Variants in SIRPB2 observed in about 807,000 individuals in gnomAD.
The protein encoded by SIRPB2 is signal regulatory protein beta 2, also known as signal-regulatory protein beta-2.
Under a neutral mutation model 27.1 loss-of-function variants are expected in SIRPB2, and 18 were observed. The observed-to-expected ratio is 0.66, with a 90% CI of 0.46 to 0.98. The LOEUF (loss-of-function observed/expected upper bound fraction) is 0.98, where lower values mean the gene tolerates loss of function less well. Ranked by LOEUF, SIRPB2 falls within the 50% of genes least tolerant of loss-of-function variation. SIRPB2 has a pLI of 0.00. For missense variants in SIRPB2, 420 were observed against 417.4 expected (o/e 1.01, Z -0.06); for synonymous variants, 150 against 164.6 (o/e 0.91, Z 0.68).
At chr20:1,477,506 A>G in intron 3 of SIRPB2, 103 bp from the exon 4 acceptor site, 2 of 1,521,416 alleles carry the variant, frequency 1.3e-6, no homozygotes, top group Non-Finnish European at 8.8e-7. Flanking sequence ...GCCAGTTTCT[A>G]TGTGGGTATG....
At chr20:1,481,166 T>C (rs1203373082) in intron 1 of SIRPB2, among the ~76,000 whole-genome samples, 1 of 152,078 alleles carries the variant, frequency 6.6e-6, no homozygotes, top group Admixed American at 6.6e-5. Flanking sequence ...AACTTCCCCA[T>C]TTATTATTTA....
chr20:1,476,480 A>G (rs2090607497), intron 4 of SIRPB2, 144 bp from the exon 5 acceptor site: 1 of 955,816 alleles, frequency 1.0e-6, no homozygotes, highest in Non-Finnish European at 1.5e-6. Context: ...AGAGGAGATC[A>G]AAGACCACCC....
chr20:1,474,251 A>G (rs1408316414), downstream of SIRPB2, among the ~76,000 whole-genome samples: 1 of 152,156 alleles, frequency 6.6e-6, no homozygotes, highest in Non-Finnish European at 1.5e-5. Flanking sequence ...TTTGCCATAC[A>G]AGGTAACAGT....
At chr20:1,487,006 A>G (rs1018803386) in intron 1 of SIRPB2, among the ~76,000 whole-genome samples, 2 of 152,230 alleles carry the variant, frequency 1.3e-5, no homozygotes, top group African/African-American at 4.8e-5. Context: ...GAAATAAAAG[A>G]CATCCAGATT....
intron 1 of SIRPB2, among the ~76,000 whole-genome samples, chr20:1,483,087 C>T (rs936513945): frequency 3.3e-5 from 5 of 151,502 alleles, no homozygotes; most frequent in South Asian, 2.1e-4. Flanking sequence ...ATAAGAGTTC[C>T]CTTTTCTCCT....
chr20:1,486,421 A>G (rs1359313377), intron 1 of SIRPB2, among the ~76,000 whole-genome samples: 2 of 152,144 alleles, frequency 1.3e-5, no homozygotes, highest in Non-Finnish European at 2.9e-5. Context: ...TTATACAAAT[A>G]CTTTTAGAAA....
chr20:1,482,024 G>C (rs1181363261), intron 1 of SIRPB2, among the ~76,000 whole-genome samples: 2 of 152,050 alleles, frequency 1.3e-5, no homozygotes, highest in Non-Finnish European at 2.9e-5. Flanking sequence ...AGAAAGAAGT[G>C]TTCTGGTCCA....
At position 1,478,460 on chromosome 20, in the gene SIRPB2, C is replaced by T. The variant is rs748671906; in HGVS notation, c.599G>A (p.Ser200Asn). The part of the protein sequence containing the change: ...PIRWFQGAGL[S>N]REAIYNFGGI... ...TCCAAAGTTGTAAATGGCCTCCCGG[C>T]TCAGACCAGCTCCCTGGAACCACCT... Residue 200 changes from serine (S) to asparagine (N), a missense_variant, in exon 3 of 5, where the codon AGC becomes AAC. Transcript: ENST00000359801. 3 of 1,614,196 alleles carry T rather than the reference C, an allele frequency of 1.9e-6. No individual in the cohort carries two copies. The highest frequency in any genetic ancestry group is 2.5e-6 in the Non-Finnish European group (3 of 1,180,034).
chr20:1,477,180 TG>T, intron 4 of SIRPB2, 157 bp downstream of exon 4: 1 of 1,599,012 alleles, frequency 6.3e-7, no homozygotes, highest in Non-Finnish European at 8.5e-7. Flanking sequence ...CATGGTTCTC[TG>T]GGGTCCTAGT....
In SIRPB2 at chr20:1,488,562, C is replaced by T. The variant is rs898587305; in HGVS notation, c.85+2713G>A. Among the ~76,000 whole-genome samples the T allele has an allele frequency of 5.9e-5, 9 of 152,068 alleles. No individual in the cohort carries two copies. In the East Asian group the frequency reaches 1.5e-3, roughly 26 times the overall value. On this transcript the variant is annotated intron_variant, in intron 1 of 4. Transcript: ENST00000359801. ...ATTTGGTAGGCTAAGGTGGGAGGAT[C>T]GCTTGAGCCAGGGAGATGGAGGTTG...
At chr20:1,477,697 C>T (rs936933750) in intron 3 of SIRPB2, among the ~76,000 whole-genome samples, 22 of 152,276 alleles carry the variant, frequency 1.4e-4, no homozygotes, top group Admixed American at 7.8e-4. Flanking sequence ...TTTTTTGAGA[C>T]GGAGTTTTGC....
At chr20:1,485,894 G>A (rs1260908156) in intron 1 of SIRPB2, among the ~76,000 whole-genome samples, 3 of 151,880 alleles carry the variant, frequency 2.0e-5, no homozygotes, top group East Asian at 1.9e-4. Context: ...TAGGTAACAT[G>A]AACAAATTCC....
intron 1 of SIRPB2, among the ~76,000 whole-genome samples, chr20:1,490,842 T>C (rs965151029): frequency 3.3e-5 from 5 of 152,300 alleles, no homozygotes; most frequent in Admixed American, 2.6e-4. Flanking sequence ...TGTTGCTCAA[T>C]ACTTTTTGAA....
intron 4 of SIRPB2, chr20:1,476,752 G>A (rs145689327): frequency 8.6e-6 from 9 of 1,050,776 alleles, no homozygotes; most frequent in East Asian, 9.3e-5. Flanking sequence ...GAGCAGGGCC[G>A]AGCATCAGGA....
downstream of SIRPB2, among the ~76,000 whole-genome samples, chr20:1,474,440 A>G (rs1423702309): frequency 6.6e-6 from 1 of 152,246 alleles, no homozygotes; most frequent in Non-Finnish European, 1.5e-5. Flanking sequence ...AAAAACATCT[A>G]GACTCATCTA....
In SIRPB2 at chr20:1,491,298, A is replaced by G. The variant is rs1385143341; in HGVS notation, c.62T>C (p.Leu21Pro). The stretch of plus-strand genomic sequence containing the variant: ...ACCTGAGGGGACAAGGACCAGTGCC[A>G]GCAGCAGGAAGCAGGGAGGCAAGTG... ...LAHLPPCFLL[L>P]ALVLVPSDAS... Residue 21 changes from leucine (L) to proline (P), a missense_variant, in exon 1 of 5, where the codon CTG becomes CCG. Physicochemically the swap from Leu to Pro is moderately conservative, Grantham distance 98. Transcript: ENST00000359801. 3.1e-6 allele frequency: 5 copies of G among 1,611,802 alleles called. No homozygotes were observed. Among genetic ancestry groups the G allele is most frequent in the Non-Finnish European group, 3.4e-6 (4 of 1,179,282 alleles).
intron 2 of SIRPB2, 67 bp from the exon 3 acceptor site, chr20:1,478,674 T>C (rs1396944398): frequency 1.6e-5 from 21 of 1,319,148 alleles, no homozygotes; most frequent in Non-Finnish European, 2.0e-5. Context: ...ATTTCCTACC[T>C]GGTGTTTTCC....
At chr20:1,472,748 C>A (rs1311918553), downstream of SIRPB2, 3 of 152,156 alleles carry the variant, frequency 2.0e-5, no homozygotes, top group African/African-American at 7.2e-5. Flanking sequence ...GAATTTGAAC[C>A]TGCACAGCCA....
Position 1,476,102 on chromosome 20 carries a change from G to A in SIRPB2, c.*65C>T. On this transcript the variant is annotated 3_prime_UTR_variant, in exon 5 of 5. Coordinates refer to ENST00000359801, the MANE Select transcript of SIRPB2 (RefSeq NM_001122962.2). ...CACCTAGAGGCTGGGACTGGAGGTA[G>A]GGAAATGGTTGAGGAGCCCTGGCTC... is the stretch of plus-strand genomic sequence containing the variant. 1 of 1,572,536 alleles carries A rather than the reference G, an allele frequency of 6.4e-7. No homozygotes were observed. Among genetic ancestry groups the A allele is most frequent in the South Asian group, 1.2e-5 (1 of 86,042 alleles).
Sources: allele counts gnomAD v4.1 joint callset (sites outside exome capture counted in the v4.1 genomes callset), GRCh38; gene constraint gnomAD v4.1.1; transcripts MANE v1.5; gene names NCBI Gene and HGNC (gene_info 2026-07-23, HGNC 2026-07-21).